The following MYO9B variants were observed in gnomAD, a reference collection of about 807,000 sequenced individuals.
The protein encoded by MYO9B is unconventional myosin-IXb.
A neutral mutation model predicts 229.5 loss-of-function variants in MYO9B; 71 were observed. That is an observed-to-expected ratio of 0.31 (90% confidence interval 0.26 to 0.38). The LOEUF (loss-of-function observed/expected upper bound fraction) is 0.38. Ranked by LOEUF, MYO9B falls within the 10% of genes least tolerant of loss-of-function variation. The pLI, the probability that MYO9B is intolerant of heterozygous loss-of-function variation, is 1.00. For missense variants in MYO9B, 2,255 were observed against 2,920.5 expected, an observed-to-expected ratio of 0.77 and a Z score of 5.25; for synonymous variants, 1,185 against 1,235.8, an observed-to-expected ratio of 0.96 and a Z score of 0.86.
At chr19:17,200,548 T>C (rs2073095592) in intron 25 of MYO9B, 91 bp from the exon 26 acceptor site, 3 of 1,504,990 alleles carry the variant, frequency 2.0e-6, no homozygotes, top group Non-Finnish European at 2.7e-6. Context: ...GAGCCAGGGG[T>C]TTCTGGCCCT....
chr19:17,108,843 A>G (rs1429471471), intron 2 of MYO9B, among the ~76,000 whole-genome samples: 1 of 150,840 alleles, frequency 6.6e-6, no homozygotes, highest in East Asian at 2.0e-4. Context: ...CCTCCCGAGT[A>G]GCTGGGACTA....
chr19:17,082,266 C>T (rs1363069818), intron 1 of MYO9B, among the ~76,000 whole-genome samples: 2 of 152,100 alleles, frequency 1.3e-5, no homozygotes, highest in African/African-American at 2.4e-5. Flanking sequence ...GTGAAGGTGC[C>T]GGCAGCAGGC....
At chr19:17,104,478 G>C (rs1341624772) in intron 2 of MYO9B, among the ~76,000 whole-genome samples, 3 of 152,200 alleles carry the variant, frequency 2.0e-5, no homozygotes, top group African/African-American at 7.2e-5. Context: ...GTAGGACAAG[G>C]TGCATCCACA....
At chr19:17,207,849 A>G (rs1024696674) in intron 35 of MYO9B, 4 of 152,180 alleles carry the variant, frequency 2.6e-5, no homozygotes, top group Non-Finnish European at 4.4e-5. Flanking sequence ...TGTCTCTACT[A>G]AAAATGCAAA....
At position 17,175,651 on chromosome 19, in the gene MYO9B, T is replaced by C; in HGVS notation, c.2141-12T>C. 6.4e-7 allele frequency: 1 copy of C among 1,561,568 alleles called. No individual in the cohort carries two copies. The highest frequency in any genetic ancestry group is 2.4e-5 in the East Asian group (1 of 42,030). ...GCCATCCCCACCACCATCCACTCTGTGTCTCCGGCAGGTATGAGCAGCCCT... is the reference window on the plus strand; with the variant it reads ...GCCATCCCCACCACCATCCACTCTGCGTCTCCGGCAGGTATGAGCAGCCCT... On this transcript the variant is annotated splice_polypyrimidine_tract_variant and intron_variant, in intron 13 of 39. Coordinates refer to ENST00000682292, the MANE Select transcript of MYO9B (RefSeq NM_004145.4).
At chr19:17,147,484 C>T (rs923044074) in intron 3 of MYO9B, among the ~76,000 whole-genome samples, 2 of 141,182 alleles carry the variant, frequency 1.4e-5, no homozygotes, top group Non-Finnish European at 3.0e-5. Flanking sequence ...GCGGAGATTG[C>T]AGTGAGCCAA....
chr19:17,083,228 G>A (rs191666594), intron 1 of MYO9B, among the ~76,000 whole-genome samples: 69 of 151,958 alleles, frequency 4.5e-4, no homozygotes, highest in Admixed American at 1.6e-3. Flanking sequence ...TAGAGACAGG[G>A]TTTCACCATG....
At chr19:17,134,377 GTTTGTTTTTTTT>G (rs1568267179) in intron 2 of MYO9B, among the ~76,000 whole-genome samples, 11 of 39,726 alleles carry the variant, frequency 2.8e-4, no homozygotes, top group African/African-American at 1.0e-3. Flanking sequence ...TTTTCGTTTT[GTTTGTTTTTTTT>G]TTTTTTTTTT....
At chr19:17,124,271 T>G (rs977385262) in intron 2 of MYO9B, among the ~76,000 whole-genome samples, 1 of 151,922 alleles carries the variant, frequency 6.6e-6, no homozygotes, top group African/African-American at 2.4e-5. Context: ...GGTAGGAGGA[T>G]CACTTGAGCC....
intron 10 of MYO9B, among the ~76,000 whole-genome samples, chr19:17,165,369 A>T (rs893047363): frequency 1.3e-5 from 2 of 151,960 alleles, no homozygotes; most frequent in East Asian, 1.9e-4. Context: ...CAAAAAAAAA[A>T]AAATTAATTA....
intron 2 of MYO9B, among the ~76,000 whole-genome samples, chr19:17,126,037 C>G (rs1038489372): frequency 6.6e-6 from 1 of 152,186 alleles, no homozygotes; most frequent in Non-Finnish European, 1.5e-5. Flanking sequence ...TGACACCCAC[C>G]CCCTTCGCAG....
At chr19:17,210,913 C>T (rs998779663) in intron 38 of MYO9B, 65 bp downstream of exon 38, 16 of 1,552,566 alleles carry the variant, frequency 1.0e-5, no homozygotes, top group Non-Finnish European at 1.3e-5. Context: ...CAGGTTCCAT[C>T]CCTGGTGGTC....
intron 2 of MYO9B, among the ~76,000 whole-genome samples, chr19:17,116,164 C>T (rs1441114822): frequency 6.6e-6 from 1 of 152,192 alleles, no homozygotes; most frequent in African/African-American, 2.4e-5. Context: ...GAAGGGTTTC[C>T]AGCTGCCTCC....
At chr19:17,081,758 G>C (rs1173700245) in intron 1 of MYO9B, among the ~76,000 whole-genome samples, 2 of 147,082 alleles carry the variant, frequency 1.4e-5, no homozygotes, top group Non-Finnish European at 3.0e-5. Flanking sequence ...GCAGTGAGCC[G>C]TGATCTTGTG....
chr19:17,077,887 GC>G lies in MYO9B; in HGVS notation c.-59+2014del, dbSNP rs563861758. Among the ~76,000 whole-genome samples, 16 of 152,294 alleles carry G rather than the reference GC, an allele frequency of 1.1e-4. No individual in the cohort carries two copies. In the South Asian group the frequency reaches 3.3e-3, roughly 32 times the overall value. ...AATAGAAAATTGCGGTGTTGAAGGT[GC>G]TTTTGCACATTGCACCTATTCCCAA... On this transcript the variant is annotated intron_variant, in intron 1 of 39. Coordinates refer to ENST00000682292, the MANE Select transcript of MYO9B (RefSeq NM_004145.4).
At chr19:17,106,309 T>C (rs2057792878) in intron 2 of MYO9B, among the ~76,000 whole-genome samples, 2 of 152,174 alleles carry the variant, frequency 1.3e-5, no homozygotes, top group African/African-American at 4.8e-5. Flanking sequence ...CGCCCGTTCA[T>C]TGCTGTGTGA....
At chr19:17,209,463 C>T (rs117115747) in intron 35 of MYO9B, 123 bp from the exon 36 acceptor site, 54,211 of 1,026,582 alleles carry the variant, frequency 0.053, 1,709 homozygotes, top group Non-Finnish European at 0.063. Context: ...AGCCGTGTCC[C>T]AGGCACTGCT....
chr19:17,201,898 C>T (rs371715060), intron 26 of MYO9B, 28 bp from the exon 27 acceptor site: 10 of 1,577,100 alleles, frequency 6.3e-6, no homozygotes, highest in Admixed American at 3.4e-5. Context: ...GCCTGAGGCA[C>T]GCAGGGTCAG....
chr19:17,182,522 G>A (rs1452863132), intron 15 of MYO9B, among the ~76,000 whole-genome samples: 1 of 151,996 alleles, frequency 6.6e-6, no homozygotes, highest in South Asian at 2.1e-4. Flanking sequence ...TCCTGCCTCA[G>A]CCTCCCAAGT....
Sources: allele counts gnomAD v4.1 joint callset (sites outside exome capture counted in the v4.1 genomes callset), GRCh38; gene constraint gnomAD v4.1.1; transcripts MANE v1.5; gene names NCBI Gene and HGNC (gene_info 2026-07-23, HGNC 2026-07-21).